Variants in HYCC2 observed in about 807,000 individuals in gnomAD.
HYCC2 encodes hyccin 2.
the HYCC2 span, among the ~76,000 whole-genome samples, chr2:201,026,011 C>T: frequency 5.3e-5 from 8 of 152,134 alleles, no homozygotes; most frequent in African/African-American, 1.9e-4. Context: ...TTAAAAGACA[C>T]AGACTGGCAA....
At chr2:200,992,401 C>G in the HYCC2 span, 2 of 1,348,878 alleles carry the variant, frequency 1.5e-6, no homozygotes, top group Non-Finnish European at 2.1e-6. Flanking sequence ...TACTCTTGAG[C>G]AAATATCTAA....
At chr2:201,059,838 A>C in the HYCC2 span, among the ~76,000 whole-genome samples, 2 of 151,962 alleles carry the variant, frequency 1.3e-5, no homozygotes, top group Non-Finnish European at 2.9e-5. Flanking sequence ...CTGAGGTCAA[A>C]AGTTGAAGAC....
the HYCC2 span, among the ~76,000 whole-genome samples, chr2:201,048,694 A>T: frequency 1.3e-5 from 2 of 152,158 alleles, no homozygotes; most frequent in African/African-American, 4.8e-5. Flanking sequence ...CACAGTCCTT[A>T]AAAAAGACAC....
chr2:201,043,591 C>T, the HYCC2 span, among the ~76,000 whole-genome samples: 7 of 150,970 alleles, frequency 4.6e-5, no homozygotes, highest in Non-Finnish European at 7.4e-5. Flanking sequence ...TCACTGCAAG[C>T]TCCGTCTCCC....
the HYCC2 span, among the ~76,000 whole-genome samples, chr2:201,033,023 G>T: frequency 2.0e-5 from 3 of 146,700 alleles, no homozygotes; most frequent in South Asian, 2.2e-4. Context: ...CAAGGCATTT[G>T]TTTTTTTTTT....
At chr2:201,069,032 T>C in the HYCC2 span, among the ~76,000 whole-genome samples, 1 of 152,092 alleles carries the variant, frequency 6.6e-6, no homozygotes, top group African/African-American at 2.4e-5. Flanking sequence ...AAAAGAACAA[T>C]ACAAAGTACT....
At chr2:201,014,015 A>C in the HYCC2 span, among the ~76,000 whole-genome samples, 5 of 152,306 alleles carry the variant, frequency 3.3e-5, 1 homozygote, top group African/African-American at 1.2e-4. Context: ...CATCGAGGGA[A>C]TCAAAAGGAG....
the HYCC2 span, among the ~76,000 whole-genome samples, chr2:201,002,589 G>A: frequency 5.3e-5 from 8 of 150,686 alleles, no homozygotes; most frequent in African/African-American, 2.0e-4. Flanking sequence ...GCAGTGGCGC[G>A]ATCTTGGCTC....
the HYCC2 span, among the ~76,000 whole-genome samples, chr2:201,034,932 C>G: frequency 6.6e-6 from 1 of 152,172 alleles, no homozygotes; most frequent in Non-Finnish European, 1.5e-5. Context: ...TATTGGCCCC[C>G]ACTCTCTTCT....
the HYCC2 span, among the ~76,000 whole-genome samples, chr2:201,033,194 TGTGAGAGAGA>T: frequency 1.6e-5 from 2 of 125,704 alleles, no homozygotes; most frequent in South Asian, 4.6e-4. Context: ...TGTGTGTGTG[TGTGAGAGAGA>T]GAGAGAGAGA....
the HYCC2 span, chr2:200,992,992 C>T: frequency 6.2e-7 from 1 of 1,609,694 alleles, no homozygotes; most frequent in African/African-American, 1.3e-5. Flanking sequence ...TGGAAAGCCA[C>T]TCACACAAAC....
At chr2:200,993,054 T>C in the HYCC2 span, 2 of 1,273,826 alleles carry the variant, frequency 1.6e-6, no homozygotes, top group African/African-American at 1.5e-5. Flanking sequence ...TCAAATAAAA[T>C]AGTTTTTGTT....
At chr2:201,062,380 G>A in the HYCC2 span, among the ~76,000 whole-genome samples, 1 of 152,006 alleles carries the variant, frequency 6.6e-6, no homozygotes, top group African/African-American at 2.4e-5. Context: ...CGGGCGCGGT[G>A]GCTCACACCT....
At chr2:201,011,528 ATAAT>A in the HYCC2 span, 44 of 980,424 alleles carry the variant, frequency 4.5e-5, no homozygotes, top group Non-Finnish European at 5.0e-5. Flanking sequence ...ACACGAAATA[ATAAT>A]TACTTTCTTA....
the HYCC2 span, chr2:201,063,214 CTG>C: frequency 6.2e-7 from 1 of 1,605,076 alleles, no homozygotes; most frequent in Non-Finnish European, 8.5e-7. Context: ...CGCTCACAGA[CTG>C]TGTGGTAATG....
the HYCC2 span, among the ~76,000 whole-genome samples, chr2:201,041,226 G>A: frequency 6.6e-6 from 1 of 152,186 alleles, no homozygotes; most frequent in Non-Finnish European, 1.5e-5. Flanking sequence ...AAGTGTAAAT[G>A]GGTGTGTGAC....
At chr2:201,036,592 A>T in the HYCC2 span, among the ~76,000 whole-genome samples, 62 of 152,340 alleles carry the variant, frequency 4.1e-4, no homozygotes, top group African/African-American at 8.4e-4. Context: ...TGGTTCAACA[A>T]ACGCAAATCA....
the HYCC2 span, among the ~76,000 whole-genome samples, chr2:201,033,182 TGTGTGTGTGTGTGTGA>T: frequency 6.8e-6 from 1 of 146,528 alleles, no homozygotes; most frequent in Admixed American, 6.8e-5. Context: ...TGTGTGTGTG[TGTGTGTGTGTGTGTGA>T]GAGAGAGAGA....
the HYCC2 span, among the ~76,000 whole-genome samples, chr2:201,055,075 T>A: frequency 6.6e-6 from 1 of 152,204 alleles, no homozygotes; most frequent in Admixed American, 6.5e-5. Context: ...TCGTGGCATT[T>A]TTAACCTCTA....
Sources: gnomAD v4.1 joint callset for allele counts (sites outside exome capture counted in the v4.1 genomes callset) on GRCh38, gnomAD v4.1.1 for gene constraint, MANE v1.5 for transcripts, NCBI Gene and HGNC (gene_info 2026-07-23, HGNC 2026-07-21) for gene names.